The following DMXL2 variants were observed in gnomAD, a reference collection of about 807,000 sequenced individuals.
DMXL2 encodes Dmx like 2, also known as dmX-like protein 2.
Under a neutral mutation model 331.1 loss-of-function variants are expected in DMXL2, and 103 were observed. That is an observed-to-expected ratio of 0.31 (90% CI 0.27 to 0.37). The LOEUF (loss-of-function observed/expected upper bound fraction) is 0.37, where lower values mean the gene tolerates loss of function less well. Among genes scored for constraint, DMXL2 ranks in the 10% least tolerant of loss-of-function variants. The probability of loss-of-function intolerance (pLI) is 1.00; values close to 1 mark genes in which losing one functional copy is unlikely to be tolerated. For missense variants in DMXL2, 3,171 were observed against 3,642.9 expected (o/e 0.87, Z 3.33); for synonymous variants, 1,281 against 1,252.1 (o/e 1.02, Z -0.49).
chr15:51,498,595 A>T lies in DMXL2; in HGVS notation c.4629T>A (p.Thr1543=). 6.2e-7 allele frequency: 1 copy of T among 1,614,112 alleles called. No homozygotes were observed. The highest frequency in any genetic ancestry group is 1.1e-5 in the South Asian group (1 of 91,082). Residue 1543 remains threonine (T), a synonymous_variant, in exon 18 of 44, where the codon ACT becomes ACA. Transcript: ENST00000560891. The stretch of plus-strand genomic sequence containing the variant: ...TGCTTTCATCAAGCTCAGTACTAGT[A>T]GTAGCCACTGTATCAGCCAAAGCTA... ...FLVALADTVA[T]TSTELDESRD...
At position 51,478,329 on chromosome 15, in the gene DMXL2, G is replaced by GTGAA; in HGVS notation, c.6771_6774dup (p.Leu2259PhefsTer16). 1 of 1,613,194 alleles carries GTGAA rather than the reference G, an allele frequency of 6.2e-7. No homozygotes were observed. Among genetic ancestry groups the GTGAA allele is most frequent in the Non-Finnish European group, 8.5e-7 (1 of 1,179,412 alleles). ...ATTGATGCAGAAAGTGATGCTGCTA[G>GTGAA]TGAATGAAGTGTGTGCACCTAAAAC... On this transcript the variant is annotated frameshift_variant, in exon 26 of 44. Coordinates refer to ENST00000560891, the MANE Select transcript of DMXL2 (RefSeq NM_001378457.1). LOFTEE classifies it high-confidence loss of function.
At chr15:51,470,929 G>A (rs1430663650) in intron 29 of DMXL2, among the ~76,000 whole-genome samples, 1 of 152,044 alleles carries the variant, frequency 6.6e-6, no homozygotes, top group Non-Finnish European at 1.5e-5. Flanking sequence ...GTGTCTAGGT[G>A]GTAGATACAA....
chr15:51,546,805 T>C (rs1211770902), intron 7 of DMXL2, among the ~76,000 whole-genome samples: 1 of 152,126 alleles, frequency 6.6e-6, no homozygotes, highest in Non-Finnish European at 1.5e-5. Flanking sequence ...TAACACCATA[T>C]ACATAATTGA....
At chr15:51,588,818 T>C (rs2052063206) in intron 1 of DMXL2, among the ~76,000 whole-genome samples, 1 of 152,200 alleles carries the variant, frequency 6.6e-6, no homozygotes. Context: ...ACAATGGGTA[T>C]ATCACAATCT....
At chr15:51,497,884 C>T (rs748773980) in intron 18 of DMXL2, among the ~76,000 whole-genome samples, 10 of 152,058 alleles carry the variant, frequency 6.6e-5, no homozygotes, top group Non-Finnish European at 1.3e-4. Flanking sequence ...GTAACATTAA[C>T]AAATGGGCTG....
At chr15:51,563,633 A>C (rs1446469831) in intron 5 of DMXL2, among the ~76,000 whole-genome samples, 186 bp from the exon 6 acceptor site, 2 of 152,140 alleles carry the variant, frequency 1.3e-5, no homozygotes. Flanking sequence ...AAACTAATCC[A>C]ACATTCACTT....
intron 42 of DMXL2, 154 bp from the exon 43 acceptor site, chr15:51,450,500 CAT>C (rs1342020775): frequency 4.1e-6 from 3 of 738,432 alleles, no homozygotes; most frequent in Non-Finnish European, 6.6e-6. Context: ...TCTGTAATCA[CAT>C]GATTAAAGAA....
chr15:51,491,924 A>G (rs1472658229), intron 19 of DMXL2, among the ~76,000 whole-genome samples, 177 bp from the exon 20 acceptor site: 2 of 152,256 alleles, frequency 1.3e-5, no homozygotes, highest in Non-Finnish European at 2.9e-5. Context: ...TGAATACAAG[A>G]TCAATAATGT....
chr15:51,497,284 T>G (rs2043252246), intron 18 of DMXL2, among the ~76,000 whole-genome samples: 1 of 152,202 alleles, frequency 6.6e-6, no homozygotes, highest in Non-Finnish European at 1.5e-5. Context: ...TAAATCTATA[T>G]GAAGAGATAT....
At chr15:51,536,029 A>G in intron 12 of DMXL2, 137 bp downstream of exon 12, 1 of 941,250 alleles carries the variant, frequency 1.1e-6, no homozygotes, top group Non-Finnish European at 1.5e-6. Flanking sequence ...TGTATTCTGA[A>G]TATTTATTAA....
intron 6 of DMXL2, 45 bp downstream of exon 6, chr15:51,563,336 A>C: frequency 7.0e-7 from 1 of 1,418,540 alleles, no homozygotes; most frequent in East Asian, 2.4e-5. Flanking sequence ...AACATTTTAA[A>C]TTCTTTTATT....
intron 7 of DMXL2, 40 bp from the exon 8 acceptor site, chr15:51,545,806 T>C (rs911269050): frequency 1.3e-6 from 2 of 1,525,896 alleles, no homozygotes; most frequent in Non-Finnish European, 1.8e-6. Flanking sequence ...AATGTGAATA[T>C]CAATCCCATT....
intron 10 of DMXL2, 142 bp downstream of exon 10, chr15:51,538,071 G>A: frequency 9.2e-7 from 1 of 1,081,972 alleles, no homozygotes; most frequent in Non-Finnish European, 1.3e-6. Flanking sequence ...CCTGATCCAA[G>A]GCAGATGGTC....
Position 51,500,367 on chromosome 15 carries a change from T to C in DMXL2, c.2993-136A>G, listed in dbSNP as rs1165668933. The stretch of plus-strand genomic sequence containing the variant: ...TCAGAATATCTCTGCAGTCTTCCTC[T>C]TAACTAGTATCCCACTAAATGTCCA... On this transcript the variant is annotated intron_variant, in intron 17 of 43. Coordinates refer to ENST00000560891, the MANE Select transcript of DMXL2 (RefSeq NM_001378457.1). 1.0e-5 allele frequency: 9 copies of C among 893,238 alleles called. No homozygotes were observed. In the East Asian group the frequency reaches 2.4e-4, roughly 24 times the overall value. The allele number at this position is 893,238 out of a possible 1,614,324, so 55.3% of individuals were successfully genotyped here.
At chr15:51,543,558 C>G (rs1312863428) in intron 8 of DMXL2, among the ~76,000 whole-genome samples, 1 of 152,126 alleles carries the variant, frequency 6.6e-6, no homozygotes, top group Non-Finnish European at 1.5e-5. Flanking sequence ...CATTAACCAT[C>G]ATTTTAAATT....
In DMXL2 at chr15:51,480,675, C is replaced by T. The variant is rs377032691; in HGVS notation, c.6431G>A (p.Arg2144Gln). The T allele has an allele frequency of 1.9e-6, 3 of 1,612,734 alleles. No individual in the cohort carries two copies. The highest frequency in any genetic ancestry group is 2.2e-5 in the East Asian group (1 of 44,838). Residue 2144 changes from arginine (R) to glutamine (Q), a missense_variant, in exon 24 of 44, where the codon CGA becomes CAA. Transcript: ENST00000560891. ...LQAKREHAER[R>Q]KSWLQKNQDL... ...TTGGTTTTTCTGCAACCACGACTTT[C>T]GTCTTTCTGCATGCTCTCGTTTGGC...
At chr15:51,531,155 A>T (rs898412125) in intron 13 of DMXL2, among the ~76,000 whole-genome samples, 1 of 152,208 alleles carries the variant, frequency 6.6e-6, no homozygotes, top group African/African-American at 2.4e-5. Context: ...CAGTAATCAA[A>T]ACAGCATGGT....
chr15:51,542,395 A>G lies in DMXL2; in HGVS notation c.1043T>C (p.Ile348Thr). 1 of 1,613,866 alleles carries G rather than the reference A, an allele frequency of 6.2e-7. No homozygotes were observed. Among genetic ancestry groups the G allele is most frequent in the South Asian group, 1.1e-5 (1 of 91,070 alleles). ...ACAGAGTGCATTTGCATGGTGGGAA[A>G]TGTGTCTTTGAACTTCATGCATTGC... The part of the protein sequence containing the change: ...QTAMHEVQRH[I>T]SHHANALCHF... Residue 348 changes from isoleucine (I) to threonine (T), a missense_variant, in exon 9 of 44, where the codon ATT becomes ACT. Physicochemically the swap from Ile to Thr is moderately conservative, Grantham distance 89. Around this residue, in one of 7 missense-constraint regions of DMXL2, gnomAD observed 1,674 missense variants for 1,780.2 expected, o/e 0.94. Coordinates refer to ENST00000560891, the MANE Select transcript of DMXL2 (RefSeq NM_001378457.1).
chr15:51,490,133 T>C (rs1479280235), intron 20 of DMXL2, among the ~76,000 whole-genome samples: 1 of 152,232 alleles, frequency 6.6e-6, no homozygotes, highest in Non-Finnish European at 1.5e-5. Flanking sequence ...ATGAATTCCT[T>C]CTTATATCTG....
Sources: gnomAD v4.1 joint callset for allele counts (sites outside exome capture counted in the v4.1 genomes callset) on GRCh38, gnomAD v4.1.1 for gene constraint, gnomAD v4.1.1 regional missense constraint, MANE v1.5 for transcripts, NCBI Gene and HGNC (gene_info 2026-07-23, HGNC 2026-07-21) for gene names.